Variants in GRID2 observed in about 807,000 individuals in gnomAD.
GRID2 encodes the protein glutamate receptor ionotropic, delta-2.
Under a neutral mutation model 114.8 loss-of-function variants are expected in GRID2, and 33 were observed. The observed-to-expected ratio is 0.29, with a 90% CI of 0.22 to 0.38. The LOEUF (loss-of-function observed/expected upper bound fraction) is 0.38, where lower values mean the gene tolerates loss of function less well. Ranked by LOEUF, GRID2 falls within the 10% of genes least tolerant of loss-of-function variation. The pLI is 1.00. For missense variants in GRID2, 1,184 were observed against 1,257.7 expected, an observed-to-expected ratio of 0.94 and a Z score of 0.89; for synonymous variants, 505 against 449.9, an observed-to-expected ratio of 1.12 and a Z score of -1.55.
At chr4:92,801,187 C>T (rs2149372137) in intron 2 of GRID2, among the ~76,000 whole-genome samples, 1 of 152,100 alleles carries the variant, frequency 6.6e-6, no homozygotes, top group Non-Finnish European at 1.5e-5. Flanking sequence ...AGGCAGACAA[C>T]ACACTACGGG....
chr4:93,412,844 GTGTT>G (rs534228595), intron 9 of GRID2, among the ~76,000 whole-genome samples: 1 of 152,276 alleles, frequency 6.6e-6, no homozygotes, highest in South Asian at 2.1e-4. Flanking sequence ...AGAACATGAA[GTGTT>G]TGGTTGTCTG....
intron 2 of GRID2, among the ~76,000 whole-genome samples, chr4:92,691,252 T>C (rs1357008755): frequency 1.3e-5 from 2 of 152,182 alleles, no homozygotes; most frequent in African/African-American, 4.8e-5. Flanking sequence ...AAAATTATGG[T>C]ACTTTGCTGA....
At chr4:92,990,735 CACAG>C (rs772870182) in intron 2 of GRID2, among the ~76,000 whole-genome samples, 80 of 152,014 alleles carry the variant, frequency 5.3e-4, no homozygotes, top group Non-Finnish European at 9.7e-4. Flanking sequence ...CCAATACTTT[CACAG>C]ACACAGAGAC....
intron 2 of GRID2, among the ~76,000 whole-genome samples, chr4:92,682,077 GAA>G (rs1327381682): frequency 4.3e-5 from 4 of 93,030 alleles, no homozygotes; most frequent in Non-Finnish European, 7.8e-5. Flanking sequence ...CGGAAAGAGA[GAA>G]AGAGTCTTTT....
chr4:93,507,995 C>T (rs1313784755), intron 12 of GRID2, among the ~76,000 whole-genome samples: 2 of 151,908 alleles, frequency 1.3e-5, no homozygotes, highest in Non-Finnish European at 2.9e-5. Context: ...ACATCACACA[C>T]CGGAGACTGC....
intron 2 of GRID2, among the ~76,000 whole-genome samples, chr4:92,969,825 G>C (rs1287146194): frequency 6.6e-6 from 1 of 151,782 alleles, no homozygotes; most frequent in African/African-American, 2.4e-5. Flanking sequence ...AAGAAATATG[G>C]AGCGCCTGAG....
chr4:92,403,509 A>G (rs1485387322), intron 1 of GRID2, among the ~76,000 whole-genome samples: 1 of 151,930 alleles, frequency 6.6e-6, no homozygotes, highest in Non-Finnish European at 1.5e-5. Context: ...CAGCCTGACC[A>G]ATATGGTGGA....
chr4:93,099,035 C>T (rs1731474652), intron 3 of GRID2, among the ~76,000 whole-genome samples: 1 of 98,454 alleles, frequency 1.0e-5, no homozygotes, highest in Non-Finnish European at 2.2e-5. Context: ...GTGTATGATA[C>T]ACATAGGGAT....
rs118026129 is a variant in GRID2, at chr4:93,028,418, A to T, written c.245-56577A>T. On this transcript the variant is annotated intron_variant, in intron 2 of 15. Transcript: ENST00000282020. ...CCAACGCTGCTTGGGAGAGAGAGAG[A>T]GTGCCAGGGTAGTAAGAAATGAGAC... 3.2e-4 allele frequency among the ~76,000 whole-genome samples: 49 copies of T among 152,112 alleles called. 1 individual carries two copies. The East Asian group carries it at 9.3e-3, about 29-fold the overall frequency.
At chr4:92,973,735 A>G (rs1289031249) in intron 2 of GRID2, among the ~76,000 whole-genome samples, 3 of 152,196 alleles carry the variant, frequency 2.0e-5, no homozygotes, top group Admixed American at 2.0e-4. Flanking sequence ...CAAATATTAA[A>G]TGATACTTAT....
At chr4:93,577,578 T>A (rs1736546524) in intron 13 of GRID2, among the ~76,000 whole-genome samples, 1 of 152,212 alleles carries the variant, frequency 6.6e-6, no homozygotes, top group Admixed American at 6.5e-5. Flanking sequence ...AAAGATTACA[T>A]ATTTTGGTGC....
chr4:92,420,885 G>A (rs749239025), intron 1 of GRID2, among the ~76,000 whole-genome samples: 7 of 151,904 alleles, frequency 4.6e-5, no homozygotes, highest in Non-Finnish European at 4.4e-5. Flanking sequence ...GTGTTTTCAC[G>A]TGTTGTCCAG....
intron 2 of GRID2, among the ~76,000 whole-genome samples, chr4:93,060,479 A>G (rs1041661398): frequency 6.6e-6 from 1 of 152,138 alleles, no homozygotes; most frequent in Non-Finnish European, 1.5e-5. Context: ...CAAAAGTCAC[A>G]TATTTTAAAT....
chr4:93,684,582 C>A (rs1725903679), intron 14 of GRID2, among the ~76,000 whole-genome samples: 1 of 151,868 alleles, frequency 6.6e-6, no homozygotes, highest in Admixed American at 6.6e-5. Context: ...GACAGGTGGG[C>A]AAGAAGGCAT....
intron 8 of GRID2, among the ~76,000 whole-genome samples, chr4:93,307,225 AAAAAT>A (rs1755531038): frequency 6.6e-6 from 1 of 151,940 alleles, no homozygotes; most frequent in Non-Finnish European, 1.5e-5. Flanking sequence ...TAAAAAAAAA[AAAAAT>A]AAGAGGAAAA....
chr4:92,939,635 T>C (rs1233221679), intron 2 of GRID2, among the ~76,000 whole-genome samples: 7 of 147,380 alleles, frequency 4.7e-5, no homozygotes, highest in Non-Finnish European at 4.5e-5. Context: ...CATGAAGTCC[T>C]TGCCCATGCC....
intron 14 of GRID2, among the ~76,000 whole-genome samples, chr4:93,747,553 A>G (rs1305060737): frequency 2.6e-5 from 4 of 152,164 alleles, no homozygotes; most frequent in Non-Finnish European, 5.9e-5. Flanking sequence ...AATGAACTTT[A>G]TGTAATGGGG....
At chr4:92,320,944 A>G (rs1490269427) in intron 1 of GRID2, among the ~76,000 whole-genome samples, 3 of 152,130 alleles carry the variant, frequency 2.0e-5, no homozygotes, top group African/African-American at 7.2e-5. Flanking sequence ...ATGATCTTTG[A>G]TGGAATCTTA....
chr4:92,520,087 C>T (rs572667433), intron 1 of GRID2, among the ~76,000 whole-genome samples: 2 of 151,834 alleles, frequency 1.3e-5, no homozygotes, highest in Admixed American at 6.6e-5. Flanking sequence ...CAACTTGGCA[C>T]CCATATGCAA....
Sources: gnomAD v4.1 joint callset for allele counts (sites outside exome capture counted in the v4.1 genomes callset) on GRCh38, gnomAD v4.1.1 for gene constraint, MANE v1.5 for transcripts, NCBI Gene and HGNC (gene_info 2026-07-23, HGNC 2026-07-21) for gene names.